The following ANKRD13C variants were observed in gnomAD, a reference collection of about 807,000 sequenced individuals.
The protein encoded by ANKRD13C is ankyrin repeat domain-containing protein 13C.
A neutral mutation model predicts 65.5 loss-of-function variants in ANKRD13C; 16 were observed. The ratio of observed to expected loss-of-function variants is 0.24; its 90% CI spans 0.17 to 0.37. The LOEUF is 0.37. ANKRD13C is among the 10% of genes least tolerant of loss of function. ANKRD13C has a pLI of 1.00. For synonymous variants in ANKRD13C, 235 were observed against 238.7 expected, an observed-to-expected ratio of 0.98 and a Z score of 0.14; for missense variants, 503 against 655.9, an observed-to-expected ratio of 0.77 and a Z score of 2.55.
intron 1 of ANKRD13C, among the ~76,000 whole-genome samples, chr1:70,338,103 A>C (rs923760708): frequency 6.6e-6 from 1 of 150,960 alleles, no homozygotes; most frequent in Non-Finnish European, 1.5e-5. Flanking sequence ...CCGTCTCACA[A>C]AAAAAAAAGA....
intron 11 of ANKRD13C, among the ~76,000 whole-genome samples, chr1:70,271,240 A>C (rs1678864729): frequency 6.6e-6 from 1 of 152,186 alleles, no homozygotes; most frequent in Non-Finnish European, 1.5e-5. Context: ...TCCACTGTCA[A>C]TTTATTGTGT....
intron 9 of ANKRD13C, among the ~76,000 whole-genome samples, chr1:70,283,278 T>C (rs1679474905): frequency 6.6e-6 from 1 of 152,160 alleles, no homozygotes; most frequent in African/African-American, 2.4e-5. Context: ...TAAAGGTTGG[T>C]GCAATACCAG....
intron 1 of ANKRD13C, among the ~76,000 whole-genome samples, chr1:70,353,681 G>T (rs971453642): frequency 1.3e-5 from 2 of 152,156 alleles, no homozygotes; most frequent in Non-Finnish European, 2.9e-5. Flanking sequence ...TGTTGGGTGG[G>T]AGGCAACCTA....
intron 7 of ANKRD13C, among the ~76,000 whole-genome samples, chr1:70,296,664 A>T (rs1212597781): frequency 1.3e-5 from 2 of 152,216 alleles, no homozygotes; most frequent in African/African-American, 4.8e-5. Context: ...CTTTCAATAC[A>T]GATTAATCTT....
In ANKRD13C at chr1:70,294,374, G is replaced by A. The variant is rs981516544; in HGVS notation, c.1053+1756C>T. Among the ~76,000 whole-genome samples the A allele has an allele frequency of 2.0e-5, 3 of 152,278 alleles. No homozygotes were observed. In the East Asian group the frequency reaches 5.8e-4, roughly 29 times the overall value. On this transcript the variant is annotated intron_variant, in intron 8 of 12. Transcript: ENST00000370944. Reference sequence around the variant, plus strand: ...AAATGATAATTTTATGTGTCAGCGTGGCTACGCTATGATGCCAGGTGTTTG... The same window carrying A: ...AAATGATAATTTTATGTGTCAGCGTAGCTACGCTATGATGCCAGGTGTTTG...
intron 9 of ANKRD13C, among the ~76,000 whole-genome samples, chr1:70,290,441 A>G (rs1679812665): frequency 6.6e-6 from 1 of 152,170 alleles, no homozygotes; most frequent in Non-Finnish European, 1.5e-5. Context: ...TCCGGCACTC[A>G]CACATATGCA....
chr1:70,309,403 C>T (rs1001931216), intron 5 of ANKRD13C, among the ~76,000 whole-genome samples: 2 of 148,990 alleles, frequency 1.3e-5, no homozygotes, highest in African/African-American at 4.9e-5. Context: ...AGTTTTTAAG[C>T]TTAATGTTTT....
At chr1:70,351,872 C>A (rs758488336) in intron 1 of ANKRD13C, among the ~76,000 whole-genome samples, 6 of 151,998 alleles carry the variant, frequency 3.9e-5, no homozygotes, top group Non-Finnish European at 8.8e-5. Context: ...ATAAGAAGCA[C>A]ATTAAATTGA....
chr1:70,267,955 G>T (rs772995867), intron 12 of ANKRD13C, among the ~76,000 whole-genome samples: 1 of 152,144 alleles, frequency 6.6e-6, no homozygotes, highest in Admixed American at 6.5e-5. Context: ...AGTAAGAATA[G>T]AGAGACAAAA....
intron 1 of ANKRD13C, among the ~76,000 whole-genome samples, chr1:70,347,267 T>G (rs911708833): frequency 6.6e-6 from 1 of 152,004 alleles, no homozygotes; most frequent in African/African-American, 2.4e-5. Context: ...AAATAAATGG[T>G]GTAGGAACAG....
At chr1:70,297,352 G>A (rs1277749403) in intron 7 of ANKRD13C, among the ~76,000 whole-genome samples, 1 of 140,852 alleles carries the variant, frequency 7.1e-6, no homozygotes, top group Non-Finnish European at 1.5e-5. Context: ...GGAGTGCAGT[G>A]GCACAATCTC....
intron 2 of ANKRD13C, among the ~76,000 whole-genome samples, chr1:70,330,614 G>A (rs376838153): frequency 2.4e-4 from 32 of 132,478 alleles, no homozygotes; most frequent in African/African-American, 8.7e-4. Context: ...ACATTAATAA[G>A]TAAGAACTAT....
At chr1:70,318,679 GTTTTTTTTTTTT>G (rs11337993) in intron 3 of ANKRD13C, among the ~76,000 whole-genome samples, 2 of 94,212 alleles carry the variant, frequency 2.1e-5, no homozygotes, top group Non-Finnish European at 4.0e-5. Context: ...ATCAATCTTT[GTTTTTTTTTTTT>G]TTTTTTTTTT....
At chr1:70,349,280 A>G (rs1682650337) in intron 1 of ANKRD13C, among the ~76,000 whole-genome samples, 1 of 152,194 alleles carries the variant, frequency 6.6e-6, no homozygotes, top group Non-Finnish European at 1.5e-5. Flanking sequence ...ACACTAAAGA[A>G]AAAAGTGGTA....
chr1:70,342,970 G>A (rs1164531888), intron 1 of ANKRD13C, among the ~76,000 whole-genome samples: 1 of 152,124 alleles, frequency 6.6e-6, no homozygotes, highest in Non-Finnish European at 1.5e-5. Flanking sequence ...AAGTCAAGGT[G>A]GCCGTGCTCC....
At position 70,260,583 on chromosome 1, in the gene ANKRD13C, A is replaced by G. The variant is rs1678353891; in HGVS notation, c.*2134T>C. The G allele has an allele frequency of 6.6e-6, 1 of 152,136 alleles. No homozygotes were observed. Among genetic ancestry groups the G allele is most frequent in the Non-Finnish European group, 1.5e-5 (1 of 67,966 alleles). The allele number at this position is 152,136 out of a possible 1,614,324, so 9.4% of individuals were successfully genotyped here. A position where few individuals can be genotyped will look rare whatever the true frequency, so the allele number is the denominator to read the frequency against. ...ACTGGATTAAAAGGCACATTTCGAAAAATCTTCATTAAAAGTAATACTGTG... is the reference window on the plus strand; with the variant it reads ...ACTGGATTAAAAGGCACATTTCGAAGAATCTTCATTAAAAGTAATACTGTG... On this transcript the variant is annotated 3_prime_UTR_variant, in exon 13 of 13. Coordinates refer to ENST00000370944, the MANE Select transcript of ANKRD13C (RefSeq NM_030816.5).
At chr1:70,294,932 A>C (rs892552574) in intron 8 of ANKRD13C, among the ~76,000 whole-genome samples, 1 of 151,722 alleles carries the variant, frequency 6.6e-6, no homozygotes, top group Non-Finnish European at 1.5e-5. Context: ...AGATTTGCCA[A>C]CTCCTACAAT....
chr1:70,270,778 G>T (rs1269591535), intron 12 of ANKRD13C, 78 bp downstream of exon 12: 4 of 1,021,884 alleles, frequency 3.9e-6, no homozygotes, highest in African/African-American at 1.6e-5. Flanking sequence ...TGCTTTAAAA[G>T]AAATTGCTTA....
At chr1:70,295,405 G>A (rs1178954662) in intron 8 of ANKRD13C, among the ~76,000 whole-genome samples, 2 of 151,810 alleles carry the variant, frequency 1.3e-5, no homozygotes, top group Non-Finnish European at 2.9e-5. Context: ...GCACCACCAC[G>A]CCCGGGTAAT....
Sources: gnomAD v4.1 joint callset for allele counts (sites outside exome capture counted in the v4.1 genomes callset) on GRCh38, gnomAD v4.1.1 for gene constraint, MANE v1.5 for transcripts, NCBI Gene and HGNC (gene_info 2026-07-23, HGNC 2026-07-21) for gene names.